Variants in BANK1 observed in about 807,000 individuals in gnomAD.
The protein encoded by BANK1 is B-cell scaffold protein with ankyrin repeats.
In BANK1, 95 loss-of-function variants were observed where a neutral mutation model predicts 94.5. That is an observed-to-expected ratio of 1.00 (90% confidence interval 0.85 to 1.19). The LOEUF is 1.19. BANK1 is among the 50% of genes most tolerant of loss of function. The pLI is 0.00. For synonymous variants in BANK1, 334 were observed against 308.4 expected (o/e 1.08, Z -0.87); for missense variants, 987 against 932.2 (o/e 1.06, Z -0.77).
At chr4:102,029,284 A>G (rs890858477) in intron 9 of BANK1, among the ~76,000 whole-genome samples, 1 of 152,182 alleles carries the variant, frequency 6.6e-6, no homozygotes, top group Admixed American at 6.5e-5. Flanking sequence ...ACCGACTGCT[A>G]TGAAACCAAC....
intron 7 of BANK1, among the ~76,000 whole-genome samples, chr4:101,933,697 C>T (rs1188612622): frequency 6.6e-6 from 1 of 151,466 alleles, no homozygotes; most frequent in Admixed American, 6.6e-5. Context: ...CAGAAAGTAG[C>T]ATCAACTGTG....
At chr4:101,807,745 T>C (rs1300136561) in intron 1 of BANK1, among the ~76,000 whole-genome samples, 1 of 152,100 alleles carries the variant, frequency 6.6e-6, no homozygotes, top group Admixed American at 6.6e-5. Context: ...AGGTTCATTA[T>C]TTGCTTCAGG....
At chr4:101,836,512 T>A (rs987462916) in intron 2 of BANK1, among the ~76,000 whole-genome samples, 9 of 152,062 alleles carry the variant, frequency 5.9e-5, no homozygotes, top group South Asian at 2.1e-4. Flanking sequence ...AACAAAAAAA[T>A]TTCATTTTAA....
chr4:101,878,996 AAAAAG>A (rs1275519539), intron 5 of BANK1, among the ~76,000 whole-genome samples: 5 of 151,894 alleles, frequency 3.3e-5, no homozygotes, highest in Non-Finnish European at 7.4e-5. Context: ...TATGTCAAAA[AAAAAG>A]AAAAGAAAAA....
intron 7 of BANK1, among the ~76,000 whole-genome samples, chr4:101,974,555 G>A (rs74635873): frequency 1.2e-3 from 186 of 152,146 alleles, no homozygotes; most frequent in Admixed American, 3.0e-3. Flanking sequence ...ATAATTCCAT[G>A]GTCTCCAATA....
At chr4:102,021,820 A>G (rs763599516) in intron 8 of BANK1, among the ~76,000 whole-genome samples, 10 of 152,098 alleles carry the variant, frequency 6.6e-5, no homozygotes, top group African/African-American at 1.2e-4. Flanking sequence ...GATTTTTCCT[A>G]CCCAGAGGGA....
chr4:101,867,601 A>T (rs1728122392), intron 4 of BANK1, among the ~76,000 whole-genome samples: 1 of 152,060 alleles, frequency 6.6e-6, no homozygotes, highest in Non-Finnish European at 1.5e-5. Flanking sequence ...CAGCATATGG[A>T]TAAGTGAAAG....
chr4:101,818,608 T>C (rs911416751), intron 1 of BANK1, among the ~76,000 whole-genome samples: 2 of 152,148 alleles, frequency 1.3e-5, no homozygotes, highest in African/African-American at 4.8e-5. Flanking sequence ...GGTCCAAAAA[T>C]AGTAATATAT....
intron 1 of BANK1, among the ~76,000 whole-genome samples, chr4:101,808,082 C>CAAA (rs774397564): frequency 5.4e-5 from 4 of 74,748 alleles, no homozygotes; most frequent in African/African-American, 1.9e-4. Flanking sequence ...GCAAGACTCT[C>CAAA]AAAAAAAAAA....
At chr4:101,809,277 A>G (rs1468637406) in intron 1 of BANK1, among the ~76,000 whole-genome samples, 2 of 152,164 alleles carry the variant, frequency 1.3e-5, no homozygotes, top group African/African-American at 2.4e-5. Context: ...GTTCTCAGTT[A>G]TAAATGGGGG....
At chr4:102,024,561 G>A (rs1010728773) in intron 8 of BANK1, among the ~76,000 whole-genome samples, 17 of 151,948 alleles carry the variant, frequency 1.1e-4, no homozygotes, top group Admixed American at 7.2e-4. Context: ...AAATTTCTGG[G>A]TAGAATGCAT....
intron 5 of BANK1, among the ~76,000 whole-genome samples, chr4:101,873,618 G>GT (rs1204245385): frequency 6.6e-6 from 1 of 152,092 alleles, no homozygotes; most frequent in Non-Finnish European, 1.5e-5. Context: ...TGTCTATTAG[G>GT]TTTTAGAACA....
intron 2 of BANK1, among the ~76,000 whole-genome samples, chr4:101,851,371 C>T (rs1028842055): frequency 4.3e-4 from 66 of 152,208 alleles, no homozygotes; most frequent in African/African-American, 1.5e-3. Context: ...CCTAACTAGG[C>T]GTGGATTTAT....
intron 6 of BANK1, among the ~76,000 whole-genome samples, chr4:101,911,942 C>T (rs1444080169): frequency 6.6e-6 from 1 of 152,174 alleles, no homozygotes; most frequent in Admixed American, 6.5e-5. Context: ...GGAAAAGAAA[C>T]ATAAATAGTA....
intron 4 of BANK1, among the ~76,000 whole-genome samples, chr4:101,864,726 AT>A (rs1370449123): frequency 1.3e-5 from 2 of 152,206 alleles, no homozygotes; most frequent in Admixed American, 1.3e-4. Context: ...GAAACTGTCC[AT>A]TTTTATGCTT....
intron 6 of BANK1, among the ~76,000 whole-genome samples, chr4:101,899,692 G>T (rs191162659): frequency 4.8e-4 from 73 of 152,200 alleles, no homozygotes; most frequent in Admixed American, 3.7e-3. Flanking sequence ...GTACAAAACA[G>T]GAAGGAAAGA....
At chr4:101,994,842 T>G (rs1578442665) in intron 7 of BANK1, among the ~76,000 whole-genome samples, 2 of 152,184 alleles carry the variant, frequency 1.3e-5, no homozygotes, top group East Asian at 3.8e-4. Context: ...GGGTCACAGC[T>G]GAGAAGCCAA....
At chr4:101,858,743 A>G (rs1440942505) in intron 3 of BANK1, among the ~76,000 whole-genome samples, 1 of 152,210 alleles carries the variant, frequency 6.6e-6, no homozygotes, top group Non-Finnish European at 1.5e-5. Flanking sequence ...TGCAACCACA[A>G]AAGACCGTTA....
At chr4:101,972,822 G>C (rs573730502) in intron 7 of BANK1, 2 of 152,132 alleles carry the variant, frequency 1.3e-5, no homozygotes, top group Admixed American at 1.3e-4. Flanking sequence ...CATAAAGTAG[G>C]ATTGCCAGCA....
Sources: allele counts gnomAD v4.1 joint callset (sites outside exome capture counted in the v4.1 genomes callset), GRCh38; gene constraint gnomAD v4.1.1; transcripts MANE v1.5; gene names NCBI Gene and HGNC (gene_info 2026-07-23, HGNC 2026-07-21).